Variants in CDKAL1 observed in about 807,000 individuals in gnomAD.
CDKAL1 encodes the protein threonylcarbamoyladenosine tRNA methylthiotransferase.
Under a neutral mutation model 68.2 loss-of-function variants are expected in CDKAL1, and 32 were observed. The ratio of observed to expected loss-of-function variants is 0.47; its 90% CI spans 0.35 to 0.63. The LOEUF (loss-of-function observed/expected upper bound fraction) is 0.63. Ranked by LOEUF, CDKAL1 falls within the 30% of genes least tolerant of loss-of-function variation. The pLI, the probability that CDKAL1 is intolerant of heterozygous loss-of-function variation, is 0.00. For missense variants in CDKAL1, 606 were observed against 696.7 expected (o/e 0.87, Z 1.47); for synonymous variants, 234 against 244.3 (o/e 0.96, Z 0.39).
chr6:20,989,232 G>A (rs1416047274), intron 10 of CDKAL1, among the ~76,000 whole-genome samples: 1 of 152,158 alleles, frequency 6.6e-6, no homozygotes, highest in Non-Finnish European at 1.5e-5. Context: ...GTGCTTCATT[G>A]ACAAACAAGG....
intron 4 of CDKAL1, chr6:20,559,719 G>A (rs1036006329): frequency 4.6e-5 from 7 of 152,166 alleles, no homozygotes; most frequent in Non-Finnish European, 7.4e-5. Context: ...CGGCATTATG[G>A]TATTGAACTT....
chr6:21,115,051 A>G (rs1774337507), intron 13 of CDKAL1, among the ~76,000 whole-genome samples: 1 of 152,188 alleles, frequency 6.6e-6, no homozygotes, highest in Admixed American at 6.5e-5. Context: ...GCCTTGGGTT[A>G]TACCACCATT....
At chr6:21,194,213 G>C (rs957684637) in intron 13 of CDKAL1, among the ~76,000 whole-genome samples, 1 of 152,202 alleles carries the variant, frequency 6.6e-6, no homozygotes, top group Non-Finnish European at 1.5e-5. Flanking sequence ...TTCAACATGA[G>C]TTTTGTCAGG....
chr6:20,816,244 T>A (rs1777043081), intron 8 of CDKAL1, among the ~76,000 whole-genome samples: 1 of 151,804 alleles, frequency 6.6e-6, no homozygotes, highest in Non-Finnish European at 1.5e-5. Flanking sequence ...TAAAGTCACA[T>A]TCACAGATTC....
intron 4 of CDKAL1, among the ~76,000 whole-genome samples, chr6:20,554,519 A>T (rs1256406893): frequency 6.6e-6 from 1 of 152,234 alleles, no homozygotes; most frequent in Non-Finnish European, 1.5e-5. Flanking sequence ...AATCTGGTGA[A>T]TAAAATATGT....
chr6:20,839,696 A>G (rs570837429), intron 8 of CDKAL1, among the ~76,000 whole-genome samples: 9 of 152,202 alleles, frequency 5.9e-5, no homozygotes, highest in Admixed American at 5.2e-4. Flanking sequence ...CCTCTAAGAC[A>G]AGATTGTTGA....
intron 12 of CDKAL1, among the ~76,000 whole-genome samples, chr6:21,107,822 C>G (rs1048873988): frequency 5.9e-5 from 9 of 152,206 alleles, no homozygotes; most frequent in African/African-American, 2.2e-4. Flanking sequence ...CTCATACATT[C>G]ATTTATTCAT....
chr6:20,766,620 A>G (rs922060058), intron 7 of CDKAL1, among the ~76,000 whole-genome samples: 2 of 152,322 alleles, frequency 1.3e-5, no homozygotes, highest in East Asian at 1.9e-4. Flanking sequence ...AGGTGAGACT[A>G]CAAGTATTGT....
At chr6:20,936,998 T>C (rs1162125694) in intron 9 of CDKAL1, among the ~76,000 whole-genome samples, 1 of 152,232 alleles carries the variant, frequency 6.6e-6, no homozygotes, top group African/African-American at 2.4e-5. Context: ...CCTTGTTTGC[T>C]TTTATTGTAT....
At chr6:20,975,415 A>G (rs1180393993) in intron 10 of CDKAL1, among the ~76,000 whole-genome samples, 2 of 152,210 alleles carry the variant, frequency 1.3e-5, no homozygotes, top group African/African-American at 4.8e-5. Context: ...CTGATACATA[A>G]TTGATGTTAC....
intron 13 of CDKAL1, among the ~76,000 whole-genome samples, chr6:21,155,621 C>T (rs1179808642): frequency 1.3e-5 from 2 of 152,184 alleles, no homozygotes; most frequent in South Asian, 2.1e-4. Context: ...CAGTGCCTAG[C>T]ACGTATAGAA....
chr6:20,960,519 G>A (rs775435292), intron 10 of CDKAL1, among the ~76,000 whole-genome samples: 4 of 152,190 alleles, frequency 2.6e-5, no homozygotes, highest in African/African-American at 4.8e-5. Context: ...GGTGCATCAT[G>A]ATTACTTATT....
chr6:20,626,005 A>C (rs1049209849), intron 4 of CDKAL1, among the ~76,000 whole-genome samples: 1 of 151,974 alleles, frequency 6.6e-6, no homozygotes. Flanking sequence ...TCTTCTCTGG[A>C]GTTACTTTTG....
At chr6:20,771,926 T>C (rs1386068455) in intron 7 of CDKAL1, among the ~76,000 whole-genome samples, 1 of 152,196 alleles carries the variant, frequency 6.6e-6, no homozygotes, top group East Asian at 1.9e-4. Context: ...CAATTAAACC[T>C]CTTTTCTTTA....
chr6:21,062,390 T>C (rs1224965929), intron 11 of CDKAL1, among the ~76,000 whole-genome samples: 3 of 152,244 alleles, frequency 2.0e-5, no homozygotes, highest in Non-Finnish European at 2.9e-5. Context: ...TGGAAAGCTA[T>C]TCTACATGCT....
At chr6:20,643,652 T>C (rs1768295343) in intron 4 of CDKAL1, among the ~76,000 whole-genome samples, 1 of 152,224 alleles carries the variant, frequency 6.6e-6, no homozygotes. Context: ...TTTTCTGTGT[T>C]ATTTCATAAA....
At chr6:21,128,551 C>A (rs1775132587) in intron 13 of CDKAL1, among the ~76,000 whole-genome samples, 1 of 152,052 alleles carries the variant, frequency 6.6e-6, no homozygotes. Context: ...TACTTAAAAC[C>A]TCTTTTGTTT....
At chr6:20,696,041 AT>A (rs1384329238) in intron 5 of CDKAL1, among the ~76,000 whole-genome samples, 1 of 152,190 alleles carries the variant, frequency 6.6e-6, no homozygotes, top group African/African-American at 2.4e-5. Flanking sequence ...TTTCACTGAT[AT>A]TTAAAAAATA....
intron 13 of CDKAL1, among the ~76,000 whole-genome samples, chr6:21,114,769 A>G (rs926817903): frequency 1.3e-5 from 2 of 152,184 alleles, no homozygotes; most frequent in African/African-American, 2.4e-5. Context: ...AAAAGATAAA[A>G]GACGGCACTA....
Sources: allele counts gnomAD v4.1 joint callset (sites outside exome capture counted in the v4.1 genomes callset), GRCh38; gene constraint gnomAD v4.1.1; transcripts MANE v1.5; gene names NCBI Gene and HGNC (gene_info 2026-07-23, HGNC 2026-07-21).